The following COG6 variants were observed in gnomAD, a reference collection of about 807,000 sequenced individuals.
COG6 encodes the protein component of oligomeric golgi complex 6.
A neutral mutation model predicts 88.8 loss-of-function variants in COG6; 74 were observed. The ratio of observed to expected loss-of-function variants is 0.83; its 90% CI spans 0.69 to 1.01. The LOEUF is 1.01. Ranked by LOEUF, COG6 falls within the 50% of genes least tolerant of loss-of-function variation. The pLI is 0.00. For missense variants in COG6, 800 were observed against 797.9 expected, an observed-to-expected ratio of 1.00 and a Z score of -0.03; for synonymous variants, 286 against 278.7, an observed-to-expected ratio of 1.03 and a Z score of -0.26.
At chr13:39,732,418 G>A (rs1357324832) in intron 18 of COG6, among the ~76,000 whole-genome samples, 1 of 152,150 alleles carries the variant, frequency 6.6e-6, no homozygotes, top group Non-Finnish European at 1.5e-5. Flanking sequence ...AGGAAAATAT[G>A]AGCCAAACCT....
Position 39,687,702 on chromosome 13 carries a change from C to T in COG6, c.918-6C>T. 6.2e-7 allele frequency: 1 copy of T among 1,613,936 alleles called. No homozygotes were observed. Among genetic ancestry groups the T allele is most frequent in the Non-Finnish European group, 8.5e-7 (1 of 1,179,928 alleles). On this transcript the variant is annotated splice_region_variant and splice_polypyrimidine_tract_variant and intron_variant, in intron 9 of 18. Coordinates refer to ENST00000455146, the MANE Select transcript of COG6 (RefSeq NM_020751.3). ...GAAATCTTCATTAACATTTAGTTTT[C>T]ATTAGGTATGTAGGAGATATGTTGG...
chr13:39,690,113 A>G (rs1249050108), intron 11 of COG6, among the ~76,000 whole-genome samples: 1 of 152,038 alleles, frequency 6.6e-6, no homozygotes, highest in Non-Finnish European at 1.5e-5. Flanking sequence ...ATTAAATTTA[A>G]ACAGCGAATC....
chr13:39,689,669 T>C (rs1283995345), intron 10 of COG6, 91 bp from the exon 11 acceptor site: 2 of 761,790 alleles, frequency 2.6e-6, no homozygotes, highest in African/African-American at 1.8e-5. Context: ...ATTAATTATA[T>C]GTATTATATA....
intron 18 of COG6, among the ~76,000 whole-genome samples, chr13:39,729,208 T>C (rs1355797056): frequency 2.0e-5 from 3 of 152,200 alleles, no homozygotes; most frequent in African/African-American, 7.2e-5. Flanking sequence ...CTGTGGCCTG[T>C]TGGGAGCACA....
At chr13:39,767,178 A>C (rs1442858438) in intron 18 of COG6, among the ~76,000 whole-genome samples, 1 of 152,202 alleles carries the variant, frequency 6.6e-6, no homozygotes, top group African/African-American at 2.4e-5. Flanking sequence ...ACACTTACTG[A>C]CACCAGATTG....
intron 13 of COG6, among the ~76,000 whole-genome samples, chr13:39,712,450 A>G (rs1878294866): frequency 1.3e-5 from 2 of 151,870 alleles, no homozygotes. Flanking sequence ...ATGTAGTGGT[A>G]TATGTATATG....
At chr13:39,723,544 G>A (rs190950770) in intron 16 of COG6, 104 bp downstream of exon 16, 34 of 730,732 alleles carry the variant, frequency 4.7e-5, no homozygotes, top group Non-Finnish European at 6.7e-5. Flanking sequence ...TATTAGCTGT[G>A]TTCTCCTGGG....
Position 39,752,589 on chromosome 13 carries a change from G to T in COG6, c.*1496G>T, listed in dbSNP as rs1422457187. The T allele has an allele frequency of 1.6e-6, 2 of 1,264,860 alleles. No individual in the cohort carries two copies. The highest frequency in any genetic ancestry group is 2.1e-6 in the Non-Finnish European group (2 of 973,582). 78.4% of individuals were successfully genotyped at this position (1,264,860 alleles called of 1,614,324 possible). ...TTGTTTTATAGGGAAAATTTATTGT[G>T]CTTTTTACCTGGTTTTTTCAAATAA... On this transcript the variant is annotated 3_prime_UTR_variant, in exon 19 of 19. Transcript: ENST00000455146.
chr13:39,725,643 T>C (rs762170636), intron 17 of COG6, among the ~76,000 whole-genome samples: 1 of 151,374 alleles, frequency 6.6e-6, no homozygotes, highest in Non-Finnish European at 1.5e-5. Context: ...AGAAACATTA[T>C]GTCGTGATAA....
intron 18 of COG6, among the ~76,000 whole-genome samples, chr13:39,768,390 T>C (rs1238761583): frequency 1.3e-5 from 2 of 151,914 alleles, no homozygotes. Flanking sequence ...CAATTGCAAT[T>C]TCCTGGCCCA....
chr13:39,668,479 T>C (rs1264588652), intron 4 of COG6, among the ~76,000 whole-genome samples: 4 of 152,206 alleles, frequency 2.6e-5, no homozygotes, highest in African/African-American at 4.8e-5. Flanking sequence ...GAGATAATTA[T>C]AGATTCACAT....
intron 13 of COG6, among the ~76,000 whole-genome samples, chr13:39,702,446 A>T (rs1187297576): frequency 6.6e-6 from 1 of 152,068 alleles, no homozygotes; most frequent in Non-Finnish European, 1.5e-5. Flanking sequence ...ACATGAATAT[A>T]AGAATGTTTC....
rs773473260 is a variant in COG6, at chr13:39,655,683, C to G, written c.-44C>G. The G allele has an allele frequency of 8.4e-6, 13 of 1,554,646 alleles. No individual in the cohort carries two copies. The highest frequency in any genetic ancestry group is 3.4e-4 in the Middle Eastern group (2 of 5,948). Reference sequence around the variant, plus strand: ...CAATACTCGCGCTGCCTCCGTGGTCCCTGCCTGGCTGAGGTGGCAGCAGGG... The same window carrying G: ...CAATACTCGCGCTGCCTCCGTGGTCGCTGCCTGGCTGAGGTGGCAGCAGGG... On this transcript the variant is annotated 5_prime_UTR_variant, in exon 1 of 19. Transcript: ENST00000455146.
chr13:39,655,964 G>A, intron 1 of COG6, 85 bp downstream of exon 1: 3 of 1,490,504 alleles, frequency 2.0e-6, no homozygotes, highest in Middle Eastern at 2.3e-4. Flanking sequence ...GACCCACCGC[G>A]GTCTCCCTCG....
chr13:39,710,336 C>T (rs1045787962), intron 13 of COG6, among the ~76,000 whole-genome samples: 1 of 151,910 alleles, frequency 6.6e-6, no homozygotes, highest in Non-Finnish European at 1.5e-5. Context: ...ATTCTGTTTC[C>T]ACATACCTTT....
chr13:39,693,704 A>G (rs1877107817), intron 11 of COG6, among the ~76,000 whole-genome samples: 2 of 151,980 alleles, frequency 1.3e-5, no homozygotes, highest in African/African-American at 4.8e-5. Context: ...CTGTAATCTA[A>G]GAGGTTTTCA....
At chr13:39,776,354 C>A (rs1004050581) in intron 18 of COG6, among the ~76,000 whole-genome samples, 3 of 152,006 alleles carry the variant, frequency 2.0e-5, no homozygotes, top group Non-Finnish European at 4.4e-5. Context: ...CAACAAACAC[C>A]CAGAAGCAAT....
chr13:39,729,962 G>A (rs1879346104), intron 18 of COG6, among the ~76,000 whole-genome samples: 1 of 152,016 alleles, frequency 6.6e-6, no homozygotes, highest in Non-Finnish European at 1.5e-5. Context: ...TCAGAAACTT[G>A]TCAGATTTCC....
At chr13:39,725,504 C>T (rs1879085848) in intron 17 of COG6, among the ~76,000 whole-genome samples, 1 of 151,806 alleles carries the variant, frequency 6.6e-6, no homozygotes. Flanking sequence ...TATTATCTTC[C>T]AGAACTCAGT....
Sources: allele counts gnomAD v4.1 joint callset (sites outside exome capture counted in the v4.1 genomes callset), GRCh38; gene constraint gnomAD v4.1.1; transcripts MANE v1.5; gene names NCBI Gene and HGNC (gene_info 2026-07-23, HGNC 2026-07-21).